The following TANC2 variants were observed in gnomAD, a reference collection of about 807,000 sequenced individuals.
The protein encoded by TANC2 is tetratricopeptide repeat, ankyrin repeat and coiled-coil containing 2.
A neutral mutation model predicts 210.5 loss-of-function variants in TANC2; 26 were observed. The observed-to-expected ratio is 0.12, with a 90% CI of 0.09 to 0.17. The LOEUF (loss-of-function observed/expected upper bound fraction) is 0.17, where lower values mean the gene tolerates loss of function less well. Ranked by LOEUF, TANC2 falls within the 10% of genes least tolerant of loss-of-function variation. The pLI, the probability that TANC2 is intolerant of heterozygous loss-of-function variation, is 1.00. For synonymous variants in TANC2, 931 were observed against 967.1 expected, an observed-to-expected ratio of 0.96 and a Z score of 0.69; for missense variants, 2,129 against 2,608.9, an observed-to-expected ratio of 0.82 and a Z score of 4.01.
At chr17:63,126,880 A>C (rs747357317) in intron 4 of TANC2, among the ~76,000 whole-genome samples, 2 of 152,128 alleles carry the variant, frequency 1.3e-5, no homozygotes, top group Non-Finnish European at 2.9e-5. Flanking sequence ...CTCTAACAGT[A>C]TTATAGTGCC....
intron 2 of TANC2, among the ~76,000 whole-genome samples, chr17:63,036,845 GTTTT>G (rs542320358): frequency 1.2e-4 from 16 of 133,946 alleles, no homozygotes; most frequent in African/African-American, 3.8e-4. Context: ...TTACATGTAA[GTTTT>G]TTTTTTTTTT....
intron 4 of TANC2, among the ~76,000 whole-genome samples, chr17:63,133,420 C>A (rs1230775681): frequency 2.0e-5 from 3 of 152,120 alleles, no homozygotes; most frequent in African/African-American, 7.2e-5. Context: ...TTTTTTACTT[C>A]CCACGTTGAT....
chr17:63,312,795 C>A (rs1357906285), intron 9 of TANC2, among the ~76,000 whole-genome samples: 1 of 152,078 alleles, frequency 6.6e-6, no homozygotes, highest in African/African-American at 2.4e-5. Context: ...TTATAAGTGA[C>A]CCTGTAGCTT....
At chr17:63,316,960 GTTA>G (rs1050088384) in intron 10 of TANC2, among the ~76,000 whole-genome samples, 14 of 121,790 alleles carry the variant, frequency 1.1e-4, no homozygotes, top group South Asian at 5.3e-4. Flanking sequence ...ATTAATATAA[GTTA>G]TTATATTAAA....
At chr17:63,368,202 GTAC>G (rs1389789325) in intron 14 of TANC2, among the ~76,000 whole-genome samples, 1 of 152,162 alleles carries the variant, frequency 6.6e-6, no homozygotes, top group African/African-American at 2.4e-5. Context: ...AATAGTGATG[GTAC>G]TAACCAACAT....
intron 4 of TANC2, chr17:63,149,129 T>TG (rs1291804556): frequency 6.6e-6 from 1 of 152,138 alleles, no homozygotes; most frequent in Non-Finnish European, 1.5e-5. Context: ...ATAAAGAAGT[T>TG]GGTATACATC....
At chr17:63,273,344 CA>C (rs2043774173) in intron 9 of TANC2, among the ~76,000 whole-genome samples, 1 of 151,898 alleles carries the variant, frequency 6.6e-6, no homozygotes, top group African/African-American at 2.4e-5. Context: ...TTGATATTAT[CA>C]TATTAGAAAT....
chr17:63,362,939 A>C (rs140419772), intron 14 of TANC2, among the ~76,000 whole-genome samples: 1 of 152,020 alleles, frequency 6.6e-6, no homozygotes. Context: ...TTTTTTAGGA[A>C]CCTCCAAACT....
intron 2 of TANC2, among the ~76,000 whole-genome samples, chr17:63,058,175 A>G (rs991568963): frequency 3.3e-5 from 5 of 152,090 alleles, no homozygotes; most frequent in African/African-American, 1.2e-4. Context: ...GCATTTCTCT[A>G]ATGATGTGAT....
chr17:63,404,331 A>G (rs1486828088), intron 19 of TANC2, among the ~76,000 whole-genome samples: 1 of 152,222 alleles, frequency 6.6e-6, no homozygotes, highest in African/African-American at 2.4e-5. Flanking sequence ...TGAGGACAAA[A>G]TAGGCGTTCG....
At chr17:63,340,384 C>A in intron 12 of TANC2, 52 bp downstream of exon 12, 1 of 1,449,774 alleles carries the variant, frequency 6.9e-7, no homozygotes, top group South Asian at 1.2e-5. Context: ...AGCCCAAGTT[C>A]ACCCGGGTCA....
chr17:63,096,356 A>G (rs2037387141), intron 3 of TANC2, among the ~76,000 whole-genome samples: 1 of 152,200 alleles, frequency 6.6e-6, no homozygotes, highest in African/African-American at 2.4e-5. Flanking sequence ...ATCCAAGGAT[A>G]GAGAATAAAT....
intron 9 of TANC2, among the ~76,000 whole-genome samples, chr17:63,276,685 CT>C (rs1455415451): frequency 6.6e-6 from 1 of 151,860 alleles, no homozygotes; most frequent in Non-Finnish European, 1.5e-5. Flanking sequence ...AGCCTTCCCC[CT>C]TTTTTATCCC....
At chr17:63,339,385 CA>C (rs1193441566) in intron 11 of TANC2, among the ~76,000 whole-genome samples, 1 of 152,092 alleles carries the variant, frequency 6.6e-6, no homozygotes, top group Non-Finnish European at 1.5e-5. Flanking sequence ...TTCTAACAAA[CA>C]AAAAACAGAC....
chr17:63,069,281 A>T (rs1362228864), intron 2 of TANC2, among the ~76,000 whole-genome samples: 1 of 152,176 alleles, frequency 6.6e-6, no homozygotes. Context: ...AGGCCTGATA[A>T]TTCTTTGTGG....
chr17:63,199,517 G>C (rs954772620), intron 6 of TANC2, among the ~76,000 whole-genome samples: 8 of 151,970 alleles, frequency 5.3e-5, no homozygotes, highest in African/African-American at 1.9e-4. Context: ...TACTCGGAAG[G>C]CTGAGGCAGG....
intron 1 of TANC2, among the ~76,000 whole-genome samples, chr17:62,977,895 G>A (rs1038799596): frequency 6.6e-6 from 1 of 151,918 alleles, no homozygotes; most frequent in Non-Finnish European, 1.5e-5. Context: ...AAATATATAA[G>A]CATATACACA....
chr17:63,244,021 G>A (rs1226470040), intron 8 of TANC2, among the ~76,000 whole-genome samples: 1 of 152,122 alleles, frequency 6.6e-6, no homozygotes, highest in Non-Finnish European at 1.5e-5. Context: ...ACTGTAAGAT[G>A]GATTTCCCAT....
chr17:62,984,126 T>G (rs1320334616), intron 1 of TANC2, among the ~76,000 whole-genome samples: 1 of 152,126 alleles, frequency 6.6e-6, no homozygotes, highest in African/African-American at 2.4e-5. Context: ...GACTTTTTAC[T>G]GATTCAATTT....
Sources: gnomAD v4.1 joint callset for allele counts (sites outside exome capture counted in the v4.1 genomes callset) on GRCh38, gnomAD v4.1.1 for gene constraint, MANE v1.5 for transcripts, NCBI Gene and HGNC (gene_info 2026-07-23, HGNC 2026-07-21) for gene names.